The following RNF115 variants were observed in gnomAD, a reference collection of about 807,000 sequenced individuals.
RNF115 encodes the protein ring finger protein 115.
In RNF115, 31 loss-of-function variants were observed where a neutral mutation model predicts 39.2. That is an observed-to-expected ratio of 0.79 (90% CI 0.59 to 1.07). The LOEUF (loss-of-function observed/expected upper bound fraction) is 1.07. Ranked by LOEUF, RNF115 falls within the 50% of genes least tolerant of loss-of-function variation. RNF115 has a pLI of 0.00. For synonymous variants in RNF115, 124 were observed against 131.0 expected, an observed-to-expected ratio of 0.95 and a Z score of 0.37; for missense variants, 384 against 381.7, an observed-to-expected ratio of 1.01 and a Z score of -0.05.
chr1:145,771,232 T>G (rs999950777), intron 4 of RNF115, among the ~76,000 whole-genome samples: 1 of 152,228 alleles, frequency 6.6e-6, no homozygotes, highest in African/African-American at 2.4e-5. Context: ...TTAGTTATTG[T>G]TGAGTGAGTT....
intron 3 of RNF115, among the ~76,000 whole-genome samples, chr1:145,777,490 G>C (rs1482292759): frequency 1.3e-5 from 2 of 152,022 alleles, no homozygotes; most frequent in African/African-American, 4.8e-5. Flanking sequence ...CAAAATAATA[G>C]TGTACCCTGA....
At chr1:145,751,619 C>G in intron 5 of RNF115, 109 bp from the exon 6 acceptor site, 1 of 618,550 alleles carries the variant, frequency 1.6e-6, no homozygotes, top group South Asian at 2.2e-5. Flanking sequence ...GCTGGAAAGT[C>G]ACTAGTCCTC....
chr1:145,803,376 A>T (rs1281591601), intron 1 of RNF115, among the ~76,000 whole-genome samples: 1 of 152,134 alleles, frequency 6.6e-6, no homozygotes, highest in Non-Finnish European at 1.5e-5. Context: ...AGTAACATTC[A>T]CATTCACAAC....
intron 2 of RNF115, among the ~76,000 whole-genome samples, chr1:145,785,760 G>A (rs962728965): frequency 1.3e-5 from 2 of 152,106 alleles, no homozygotes; most frequent in Non-Finnish European, 2.9e-5. Flanking sequence ...AAGTGAAAAA[G>A]CAAAGCTAAT....
In RNF115 at chr1:145,771,781, G is replaced by A. The variant is rs201943972; in HGVS notation, c.358C>T (p.Arg120Trp). ...HTDFWGARPP[R>W]LPLGRRYRSR... The stretch of plus-strand genomic sequence containing the variant: ...CTGTATCTCCGACCCAATGGCAACC[G>A]TGGAGGTCTTGCTCCCCAGAAGTCA... The change falls in exon 4 of 9, where the codon CGG (arginine) becomes TGG (tryptophan). Residue 120 changes from arginine to tryptophan, a missense_variant. Physicochemically the swap from Arg to Trp is moderately radical, Grantham distance 101. Transcript: ENST00000582693. 5.1e-5 allele frequency: 82 copies of A among 1,614,128 alleles called. No homozygotes were observed. The highest frequency in any genetic ancestry group is 1.0e-4 in the Admixed American group (6 of 60,020).
chr1:145,788,216 G>C (rs1553718386), intron 2 of RNF115, among the ~76,000 whole-genome samples: 1 of 151,930 alleles, frequency 6.6e-6, no homozygotes, highest in Non-Finnish European at 1.5e-5. Flanking sequence ...CAAGTAACTG[G>C]AATTACAGGC....
rs1283356232 is a variant in RNF115 at position 145,739,308 on chromosome 1, A to G, written c.*7558T>C. 1 of 152,238 alleles carries G rather than the reference A, an allele frequency of 6.6e-6. No homozygotes were observed. The highest frequency in any genetic ancestry group is 2.4e-5 in the African/African-American group (1 of 41,452). 9.4% of individuals were successfully genotyped at this position (152,238 alleles called of 1,614,324 possible). A position where few individuals can be genotyped will look rare whatever the true frequency, so the allele number is the denominator to read the frequency against. ...GGTAAGAGCACAGAAATTTAGCTAC[A>G]GCTCCATGGTGAGCCATTAAAAGGA... On this transcript the variant is annotated 3_prime_UTR_variant, in exon 9 of 9. Transcript: ENST00000582693.
At chr1:145,774,413 G>A (rs970464155) in intron 3 of RNF115, among the ~76,000 whole-genome samples, 16 of 151,224 alleles carry the variant, frequency 1.1e-4, no homozygotes, top group African/African-American at 2.2e-4. Context: ...GCAGTGGCAC[G>A]ATCTCGGCTC....
At chr1:145,809,488 ATTTTTTT>A (rs781918386) in intron 1 of RNF115, among the ~76,000 whole-genome samples, 1 of 46,344 alleles carries the variant, frequency 2.2e-5, no homozygotes, top group South Asian at 1.1e-3. Context: ...GACCCAGCTA[ATTTTTTT>A]TTTTTTTTTT....
intron 3 of RNF115, among the ~76,000 whole-genome samples, chr1:145,781,575 T>A (rs1365475296): frequency 6.6e-6 from 1 of 152,204 alleles, no homozygotes; most frequent in Non-Finnish European, 1.5e-5. Context: ...ACTCACTAGA[T>A]GGTAGGCACA....
At position 145,745,881 on chromosome 1, in the gene RNF115, T is replaced by G. The variant is rs1358680020; in HGVS notation, c.*985A>C. 1 of 151,930 alleles carries G rather than the reference T, an allele frequency of 6.6e-6. No individual in the cohort carries two copies. The highest frequency in any genetic ancestry group is 2.4e-5 in the African/African-American group (1 of 41,358). The allele number at this position is 151,930 out of a possible 1,614,324, so 9.4% of individuals were successfully genotyped here. The stretch of plus-strand genomic sequence containing the variant: ...TCCTATCAACATAAGGCTCCCAATA[T>G]ATGTTATGTAGGTTTCTTGGGAAAC... On this transcript the variant is annotated 3_prime_UTR_variant, in exon 9 of 9. Transcript: ENST00000582693.
At chr1:145,757,674 G>C (rs1658352452) in intron 4 of RNF115, among the ~76,000 whole-genome samples, 2 of 152,192 alleles carry the variant, frequency 1.3e-5, no homozygotes, top group Non-Finnish European at 2.9e-5. Context: ...AGGAACTTCT[G>C]ACATTTGTCT....
chr1:145,767,703 A>AAG (rs1647417176), intron 4 of RNF115, among the ~76,000 whole-genome samples: 13 of 152,250 alleles, frequency 8.5e-5, no homozygotes, highest in Non-Finnish European at 1.5e-4. Context: ...GAGTGAACGC[A>AAG]ACTCCGTCTG....
At chr1:145,802,978 G>C (rs1371498527) in intron 1 of RNF115, among the ~76,000 whole-genome samples, 1 of 152,042 alleles carries the variant, frequency 6.6e-6, no homozygotes, top group African/African-American at 2.4e-5. Context: ...AAAGACAACA[G>C]AACTTCTGAG....
At chr1:145,752,679 C>T (rs782283190) in intron 5 of RNF115, among the ~76,000 whole-genome samples, 10 of 150,112 alleles carry the variant, frequency 6.7e-5, no homozygotes, top group Non-Finnish European at 1.0e-4. Context: ...ACCTCCACCT[C>T]CCGGGTTCAA....
intron 4 of RNF115, among the ~76,000 whole-genome samples, chr1:145,757,381 T>C (rs782395291): frequency 3.3e-5 from 5 of 152,180 alleles, no homozygotes; most frequent in South Asian, 2.1e-4. Context: ...TTAGAAGAGA[T>C]TGGTGGATGT....
chr1:145,762,638 G>A (rs1658577819), intron 4 of RNF115, among the ~76,000 whole-genome samples: 1 of 151,714 alleles, frequency 6.6e-6, no homozygotes, highest in Admixed American at 6.6e-5. Flanking sequence ...TTCTGGATAA[G>A]GCTGTCTTTT....
chr1:145,784,065 C>G (rs1352367417), intron 3 of RNF115, among the ~76,000 whole-genome samples: 1 of 152,156 alleles, frequency 6.6e-6, no homozygotes, highest in Non-Finnish European at 1.5e-5. Flanking sequence ...CATCCTTAAT[C>G]TACACCAAAC....
chr1:145,803,048 C>T (rs782767393), intron 1 of RNF115, among the ~76,000 whole-genome samples: 9 of 152,172 alleles, frequency 5.9e-5, no homozygotes, highest in Non-Finnish European at 1.3e-4. Flanking sequence ...TTCTAGAGTA[C>T]AAATACTGTC....
Sources: allele counts gnomAD v4.1 joint callset (sites outside exome capture counted in the v4.1 genomes callset), GRCh38; gene constraint gnomAD v4.1.1; transcripts MANE v1.5; gene names NCBI Gene and HGNC (gene_info 2026-07-23, HGNC 2026-07-21).